DNMBP: variants seen among roughly 807,000 people sequenced by gnomAD.
DNMBP encodes the protein dynamin binding protein, also known as dynamin-binding protein.
In DNMBP, 87 loss-of-function variants were observed where a neutral mutation model predicts 150.0. The ratio of observed to expected loss-of-function variants is 0.58; its 90% CI spans 0.49 to 0.69. DNMBP has a LOEUF of 0.69. Among genes scored for constraint, DNMBP ranks in the 30% least tolerant of loss-of-function variants. The pLI is 0.00. For missense variants in DNMBP, 1,774 were observed against 1,949.0 expected (o/e 0.91, Z 1.69); for synonymous variants, 711 against 750.4 (o/e 0.95, Z 0.86).
At chr10:99,976,245 C>T (rs1389626749) in intron 1 of DNMBP, among the ~76,000 whole-genome samples, 1 of 152,208 alleles carries the variant, frequency 6.6e-6, no homozygotes, top group Non-Finnish European at 1.5e-5. Context: ...CATATAAACT[C>T]TACGGAGCTT....
At position 99,921,864 on chromosome 10, in the gene DNMBP, GAAAAAAAAAA is replaced by G. The variant is rs34344466; in HGVS notation, c.2261-12728_2261-12719del. On this transcript the variant is annotated intron_variant, in intron 4 of 16. Transcript: ENST00000324109. ...TGGGCAACAGAGTGAGATTCCATCT[GAAAAAAAAAA>G]AAAAAAAAAAAAAAAAGCAGCAACT... is the stretch of plus-strand genomic sequence containing the variant. Among the ~76,000 whole-genome samples the G allele has an allele frequency of 2.1e-4, 5 of 23,752 alleles. No homozygotes were observed. In the South Asian group the frequency reaches 8.1e-3, roughly 39 times the overall value. 15.6% of individuals were successfully genotyped at this position (23,752 alleles called of 152,430 possible).
intron 4 of DNMBP, among the ~76,000 whole-genome samples, chr10:99,941,948 C>T (rs772946913): frequency 1.3e-5 from 2 of 152,186 alleles, no homozygotes; most frequent in Admixed American, 6.5e-5. Flanking sequence ...TCAGCCTCTG[C>T]CCTGTGTCTC....
chr10:99,886,033 C>A (rs2039454403), intron 13 of DNMBP, among the ~76,000 whole-genome samples, 167 bp from the exon 14 acceptor site: 1 of 152,178 alleles, frequency 6.6e-6, no homozygotes, highest in Non-Finnish European at 1.5e-5. Context: ...GACACAGCAG[C>A]CTGATGCAAG....
At chr10:99,990,883 G>A (rs942225415) in intron 1 of DNMBP, among the ~76,000 whole-genome samples, 5 of 150,702 alleles carry the variant, frequency 3.3e-5, no homozygotes, top group African/African-American at 9.8e-5. Context: ...CTTTTTCCAG[G>A]TGAAGGCAAA....
At chr10:99,910,061 T>C (rs1200392054) in intron 4 of DNMBP, among the ~76,000 whole-genome samples, 1 of 152,230 alleles carries the variant, frequency 6.6e-6, no homozygotes, top group Admixed American at 6.5e-5. Flanking sequence ...TCAAATTCTT[T>C]ATGATCCAAT....
At chr10:99,902,341 G>A (rs1483558409) in intron 6 of DNMBP, among the ~76,000 whole-genome samples, 6 of 98,802 alleles carry the variant, frequency 6.1e-5, no homozygotes, top group South Asian at 3.4e-4. Flanking sequence ...ATGGAGTCTC[G>A]CTGTGTCACC....
intron 4 of DNMBP, among the ~76,000 whole-genome samples, chr10:99,929,149 A>T (rs2040116324): frequency 6.6e-6 from 1 of 152,106 alleles, no homozygotes; most frequent in Non-Finnish European, 1.5e-5. Context: ...GTTTCAAAAA[A>T]ATAAATAAAT....
At chr10:99,970,706 C>T (rs1040609549) in intron 2 of DNMBP, among the ~76,000 whole-genome samples, 2 of 151,984 alleles carry the variant, frequency 1.3e-5, no homozygotes, top group Non-Finnish European at 1.5e-5. Context: ...GGTGCGGTGG[C>T]TCACACCTGT....
At chr10:99,946,631 T>G (rs12250165) in intron 4 of DNMBP, among the ~76,000 whole-genome samples, 6,228 of 152,324 alleles carry the variant, frequency 0.041, 127 homozygotes, top group South Asian at 0.083. Flanking sequence ...AAGACTTACA[T>G]GTGAGGTCTC....
chr10:99,956,933 C>T lies in DNMBP; in HGVS notation c.541G>A (p.Gly181Ser). 6.2e-7 allele frequency: 1 copy of T among 1,614,228 alleles called. No individual in the cohort carries two copies. Among genetic ancestry groups the T allele is most frequent in the Non-Finnish European group, 8.5e-7 (1 of 1,180,044 alleles). ...VITIIGVPEP[G>S]WFEGELEGRR... ...CCCTCTAACTCCCCTTCAAACCAGCCTGGTTCAGGAACTCCAATAATGGTG... is the reference window on the plus strand; with the variant it reads ...CCCTCTAACTCCCCTTCAAACCAGCTTGGTTCAGGAACTCCAATAATGGTG... Residue 181 changes from glycine (G) to serine (S), a missense_variant, in exon 4 of 17, where the codon GGC becomes AGC. By Grantham distance (56) the Gly-to-Ser change is moderately conservative. Coordinates refer to ENST00000324109, the MANE Select transcript of DNMBP (RefSeq NM_015221.4).
intron 4 of DNMBP, among the ~76,000 whole-genome samples, chr10:99,913,545 C>A (rs1021642387): frequency 3.3e-5 from 5 of 152,050 alleles, no homozygotes; most frequent in Non-Finnish European, 7.4e-5. Flanking sequence ...TAGGATAGCC[C>A]GGCAGGTGTT....
chr10:99,988,851 G>C (rs2040855956), intron 1 of DNMBP, among the ~76,000 whole-genome samples: 2 of 152,058 alleles, frequency 1.3e-5, no homozygotes, highest in Admixed American at 6.6e-5. Flanking sequence ...TAGTAGAGAT[G>C]GGGTTTTACC....
intron 1 of DNMBP, among the ~76,000 whole-genome samples, chr10:99,993,971 T>C (rs1055070627): frequency 1.3e-5 from 2 of 152,308 alleles, no homozygotes; most frequent in South Asian, 2.1e-4. Context: ...TTTAAACTTG[T>C]GTTTTATGCC....
chr10:99,943,452 G>A (rs2040325101), intron 4 of DNMBP, among the ~76,000 whole-genome samples: 1 of 152,128 alleles, frequency 6.6e-6, no homozygotes, highest in African/African-American at 2.4e-5. Flanking sequence ...TTGGAGTGTG[G>A]AGTGCAATGA....
chr10:99,898,992 A>C (rs140884269), intron 7 of DNMBP, among the ~76,000 whole-genome samples: 4,343 of 151,924 alleles, frequency 0.029, 92 homozygotes, highest in Non-Finnish European at 0.04. Flanking sequence ...CAGGAGTTCA[A>C]GACCTGCCTG....
intron 4 of DNMBP, among the ~76,000 whole-genome samples, chr10:99,915,449 A>G (rs566714943): frequency 9.6e-4 from 146 of 151,898 alleles, no homozygotes; most frequent in African/African-American, 3.3e-3. Context: ...GCTCATGACT[A>G]TAATTCCAGC....
chr10:99,891,585 C>T lies in DNMBP; in HGVS notation c.3157-2632G>A, dbSNP rs1358256070. Among the ~76,000 whole-genome samples the T allele has an allele frequency of 7.2e-5, 11 of 151,956 alleles. No individual in the cohort carries two copies. In the South Asian group the frequency reaches 8.3e-4, roughly 11 times the overall value. ...AAGTGCCGAGATTGCAGCCTCTGCC[C>T]GGCCGCCACCCCGTCTGGGAAGTGA... On this transcript the variant is annotated intron_variant, in intron 11 of 16. Transcript: ENST00000324109.
rs1319684174 is a variant in DNMBP at position 99,900,023 on chromosome 10, G to T, written c.2598C>A (p.Tyr866Ter). 1 of 1,614,116 alleles carries T rather than the reference G, an allele frequency of 6.2e-7. No individual in the cohort carries two copies. Among genetic ancestry groups the T allele is most frequent in the East Asian group, 2.2e-5 (1 of 44,864 alleles). The change falls in exon 7 of 17, where the codon TAC becomes TAA. Residue 866 changes from tyrosine to a stop codon, truncating the protein, a stop_gained. Transcript: ENST00000324109. LOFTEE classifies it high-confidence loss of function. The part of the protein sequence containing the change: ...LGHRDELEGT[Y>*]KIYCQNHDEA... The stretch of plus-strand genomic sequence containing the variant: ...CATCATGATTCTGGCAGTAAATCTT[G>T]TATGTTCCCTCAAGCTCATCCCGGT...
At chr10:99,884,486 T>TA (rs369850435) in intron 14 of DNMBP, among the ~76,000 whole-genome samples, 3 of 152,068 alleles carry the variant, frequency 2.0e-5, no homozygotes, top group Non-Finnish European at 2.9e-5. Flanking sequence ...AAATGCCACT[T>TA]AAAAAAAATC....
Sources: allele counts gnomAD v4.1 joint callset (sites outside exome capture counted in the v4.1 genomes callset), GRCh38; gene constraint gnomAD v4.1.1; transcripts MANE v1.5; gene names NCBI Gene and HGNC (gene_info 2026-07-23, HGNC 2026-07-21).